Variants in MMP26 observed in about 807,000 individuals in gnomAD.
The protein encoded by MMP26 is matrix metallopeptidase 26, also known as matrix metalloproteinase-26.
MMP26 carries 33 observed loss-of-function variants against 31.0 expected under a neutral mutation model. That is an observed-to-expected ratio of 1.06 (90% CI 0.81 to 1.42). The LOEUF is 1.42. Ranked by LOEUF, MMP26 falls within the 40% of genes most tolerant of loss-of-function variation. MMP26 has a pLI of 0.00. For synonymous variants in MMP26, 122 were observed against 114.9 expected (o/e 1.06, Z -0.40); for missense variants, 347 against 316.1 (o/e 1.10, Z -0.74).
intron 2 of MMP26, among the ~76,000 whole-genome samples, chr11:4,861,713 T>C (rs1850163165): frequency 1.3e-5 from 2 of 152,086 alleles, no homozygotes; most frequent in Admixed American, 1.3e-4. Flanking sequence ...AAGTATAATA[T>C]AATACTTAGC....
chr11:4,981,677 A>G (rs2133641090), intron 2 of MMP26, among the ~76,000 whole-genome samples: 1 of 152,144 alleles, frequency 6.6e-6, no homozygotes, highest in South Asian at 2.1e-4. Flanking sequence ...TCTTCTTATA[A>G]CTTTTTTATT....
At chr11:4,816,931 C>T (rs749413942) in intron 2 of MMP26, among the ~76,000 whole-genome samples, 33 of 150,612 alleles carry the variant, frequency 2.2e-4, no homozygotes, top group Non-Finnish European at 4.0e-4. Flanking sequence ...AGGATGTTCT[C>T]GATTTCCTGA....
At chr11:4,864,555 T>G in intron 2 of MMP26, among the ~76,000 whole-genome samples, 1 of 152,220 alleles carries the variant, frequency 6.6e-6, no homozygotes, top group East Asian at 1.9e-4. Flanking sequence ...AACCCATTTC[T>G]TTCCCACTGT....
At chr11:4,835,419 A>AT (rs34383180) in intron 2 of MMP26, among the ~76,000 whole-genome samples, 1 of 151,648 alleles carries the variant, frequency 6.6e-6, no homozygotes, top group South Asian at 2.1e-4. Flanking sequence ...CTGTTAAGAA[A>AT]TTTTTTTTTC....
chr11:4,851,707 C>T, intron 2 of MMP26, among the ~76,000 whole-genome samples: 1 of 151,572 alleles, frequency 6.6e-6, no homozygotes, highest in East Asian at 1.9e-4. Flanking sequence ...TTTATTAAAA[C>T]AAAACTTTTG....
At chr11:4,927,740 T>C (rs1289234331) in intron 2 of MMP26, among the ~76,000 whole-genome samples, 3 of 152,130 alleles carry the variant, frequency 2.0e-5, no homozygotes, top group Non-Finnish European at 4.4e-5. Context: ...CTCAAGGTCT[T>C]TTTGAAGAGC....
intron 2 of MMP26, among the ~76,000 whole-genome samples, chr11:4,812,150 A>G (rs980992970): frequency 2.6e-5 from 4 of 152,186 alleles, no homozygotes; most frequent in Non-Finnish European, 5.9e-5. Flanking sequence ...TTTGTTGGAA[A>G]AAAAGGTTTT....
intron 2 of MMP26, chr11:4,942,805 A>G (rs1466292631): frequency 2.0e-5 from 3 of 152,204 alleles, no homozygotes; most frequent in Non-Finnish European, 4.4e-5. Flanking sequence ...ACACAAATAT[A>G]TTATACCTTT....
chr11:4,943,464 T>G, intron 2 of MMP26: 1 of 456,276 alleles, frequency 2.2e-6, no homozygotes, highest in South Asian at 1.5e-5. Context: ...ATTTGTTATT[T>G]GATAGTTACA....
intron 2 of MMP26, among the ~76,000 whole-genome samples, chr11:4,932,453 T>C (rs139730749): frequency 3.5e-4 from 53 of 152,256 alleles, no homozygotes; most frequent in African/African-American, 1.3e-3. Flanking sequence ...AAACAGTTTT[T>C]CTTGGAAACC....
chr11:4,770,710 G>T (rs558443458), intron 2 of MMP26, among the ~76,000 whole-genome samples: 1 of 152,260 alleles, frequency 6.6e-6, no homozygotes, highest in Non-Finnish European at 1.5e-5. Flanking sequence ...GGGCATGGTG[G>T]CGTGTATCTG....
chr11:4,809,028 T>G (rs1200907672), intron 2 of MMP26, among the ~76,000 whole-genome samples: 3 of 151,914 alleles, frequency 2.0e-5, no homozygotes, highest in African/African-American at 7.3e-5. Context: ...GTCCAGCATG[T>G]GAGGTTTTCA....
chr11:4,868,211 A>AT (rs1850262659), intron 2 of MMP26, among the ~76,000 whole-genome samples: 1 of 152,094 alleles, frequency 6.6e-6, no homozygotes, highest in Non-Finnish European at 1.5e-5. Context: ...ACATGGACAC[A>AT]TGGGGGGAAC....
At chr11:4,986,932 C>CTCCCTCTCTCTCT (rs1564819722) in intron 2 of MMP26, among the ~76,000 whole-genome samples, 4 of 60,446 alleles carry the variant, frequency 6.6e-5, no homozygotes, top group East Asian at 4.6e-4. Flanking sequence ...TCTCTCTCTC[C>CTCCCTCTCTCTCT]CTCTCTCTCT....
At chr11:4,841,723 A>C (rs1849799009) in intron 2 of MMP26, among the ~76,000 whole-genome samples, 1 of 152,190 alleles carries the variant, frequency 6.6e-6, no homozygotes, top group Non-Finnish European at 1.5e-5. Context: ...ACCTGAGGTC[A>C]GGAGTTCGAG....
intron 2 of MMP26, among the ~76,000 whole-genome samples, chr11:4,925,056 A>G (rs550791394): frequency 1.2e-4 from 18 of 152,334 alleles, no homozygotes; most frequent in African/African-American, 4.3e-4. Context: ...TATTAAATGC[A>G]TTGTGAGCCT....
chr11:4,744,032 C>T (rs537307023), intron 1 of MMP26, among the ~76,000 whole-genome samples: 1 of 152,190 alleles, frequency 6.6e-6, no homozygotes, highest in South Asian at 2.1e-4. Context: ...AACTCCTGGA[C>T]TCAAGTGATC....
chr11:4,794,050 A>G (rs1849069525), intron 2 of MMP26: 1 of 152,158 alleles, frequency 6.6e-6, no homozygotes, highest in Admixed American at 6.5e-5. Context: ...GCAATGTCTG[A>G]TATCTGTGGT....
chr11:4,810,020 G>A lies in MMP26; in HGVS notation c.-145+42679G>A, dbSNP rs1433900. On this transcript the variant is annotated intron_variant, in intron 2 of 7. Transcript: ENST00000380390. ...TAAAGGGTTATGTCTGGACGTTTCC[G>A]ACCTTTAAGTATTAGTTTTCTCACT... is the stretch of plus-strand genomic sequence containing the variant. 7.4e-3 allele frequency among the ~76,000 whole-genome samples: 1,126 copies of A among 152,284 alleles called. 15 individuals are homozygous for A. Among genetic ancestry groups the A allele is most frequent in the African/African-American group, 0.026 (1,075 of 41,542 alleles).
Sources: allele counts gnomAD v4.1 joint callset (sites outside exome capture counted in the v4.1 genomes callset), GRCh38; gene constraint gnomAD v4.1.1; transcripts MANE v1.5; gene names NCBI Gene and HGNC (gene_info 2026-07-23, HGNC 2026-07-21).